The following LRRC4C variants were observed in gnomAD, a reference collection of about 807,000 sequenced individuals.
LRRC4C encodes leucine rich repeat containing 4C.
A neutral mutation model predicts 33.6 loss-of-function variants in LRRC4C; 5 were observed. The observed-to-expected ratio is 0.15, with a 90% CI of 0.08 to 0.31. LRRC4C has a LOEUF of 0.31. Ranked by LOEUF, LRRC4C falls within the 10% of genes least tolerant of loss-of-function variation. The pLI is 1.00. For synonymous variants in LRRC4C, 329 were observed against 302.0 expected (o/e 1.09, Z -0.93); for missense variants, 560 against 796.7 (o/e 0.70, Z 3.58).
intron 4 of LRRC4C, among the ~76,000 whole-genome samples, chr11:40,242,572 G>T (rs1590800342): frequency 6.6e-6 from 1 of 152,148 alleles, no homozygotes; most frequent in East Asian, 1.9e-4. Flanking sequence ...GTATGTAAAA[G>T]TGGGTACTGC....
At chr11:40,777,327 C>A (rs998034738) in intron 2 of LRRC4C, among the ~76,000 whole-genome samples, 1 of 152,008 alleles carries the variant, frequency 6.6e-6, no homozygotes, top group Non-Finnish European at 1.5e-5. Context: ...GGGGTGTGGA[C>A]TTCTCCTCTA....
At chr11:40,429,190 C>T (rs1031080231) in intron 3 of LRRC4C, among the ~76,000 whole-genome samples, 2 of 152,176 alleles carry the variant, frequency 1.3e-5, no homozygotes, top group African/African-American at 4.8e-5. Context: ...TCTCCTGCCT[C>T]AGCCTCCCAA....
At chr11:40,143,439 T>C (rs1405648945) in intron 5 of LRRC4C, among the ~76,000 whole-genome samples, 1 of 152,170 alleles carries the variant, frequency 6.6e-6, no homozygotes, top group Non-Finnish European at 1.5e-5. Flanking sequence ...CAATCGTTCA[T>C]ATTCACTCTG....
intron 3 of LRRC4C, among the ~76,000 whole-genome samples, chr11:40,419,336 A>G (rs1340984623): frequency 6.6e-6 from 1 of 152,120 alleles, no homozygotes; most frequent in Non-Finnish European, 1.5e-5. Flanking sequence ...ATACTCAACA[A>G]AAACTATGCT....
intron 2 of LRRC4C, among the ~76,000 whole-genome samples, chr11:40,912,304 G>A (rs887863676): frequency 0.088 from 13,359 of 151,736 alleles, 818 homozygotes; most frequent in African/African-American, 0.17. Flanking sequence ...GAGAAAGGTT[G>A]GATTACCCAC....
chr11:40,257,453 C>A (rs1217142638), intron 4 of LRRC4C, among the ~76,000 whole-genome samples: 1 of 152,036 alleles, frequency 6.6e-6, no homozygotes, highest in African/African-American at 2.4e-5. Context: ...CCCATTATTT[C>A]TAGTTCCCAA....
intron 1 of LRRC4C, among the ~76,000 whole-genome samples, chr11:41,207,959 G>T (rs1946667676): frequency 6.6e-6 from 1 of 152,146 alleles, no homozygotes; most frequent in African/African-American, 2.4e-5. Flanking sequence ...GCTAGTAAAA[G>T]CCTAGATTGT....
chr11:40,928,342 A>G (rs1376060147), intron 2 of LRRC4C, among the ~76,000 whole-genome samples: 1 of 151,672 alleles, frequency 6.6e-6, no homozygotes, highest in African/African-American at 2.4e-5. Flanking sequence ...AAATAAAAAC[A>G]TATTGAAAAT....
intron 1 of LRRC4C, among the ~76,000 whole-genome samples, chr11:41,437,430 C>G (rs1955469168): frequency 6.6e-6 from 1 of 151,674 alleles, no homozygotes; most frequent in South Asian, 2.1e-4. Flanking sequence ...CGCGCGCACA[C>G]ACACACACAC....
chr11:40,470,107 G>T (rs1166790208), intron 3 of LRRC4C, among the ~76,000 whole-genome samples: 1 of 152,208 alleles, frequency 6.6e-6, no homozygotes, highest in African/African-American at 2.4e-5. Context: ...CCCAGCAGGG[G>T]TCGACAGACA....
At chr11:41,102,210 C>T (rs1451157080) in intron 1 of LRRC4C, among the ~76,000 whole-genome samples, 3 of 151,968 alleles carry the variant, frequency 2.0e-5, no homozygotes, top group African/African-American at 4.8e-5. Flanking sequence ...TTAACGTTAT[C>T]GTCATTAAAG....
intron 1 of LRRC4C, among the ~76,000 whole-genome samples, chr11:41,216,303 C>G (rs1947059188): frequency 6.6e-6 from 1 of 152,054 alleles, no homozygotes; most frequent in South Asian, 2.1e-4. Flanking sequence ...AGTGAAATGA[C>G]CGCTATGCAA....
intron 1 of LRRC4C, among the ~76,000 whole-genome samples, chr11:40,990,386 C>A (rs1853451415): frequency 6.6e-6 from 1 of 151,042 alleles, no homozygotes; most frequent in African/African-American, 2.4e-5. Context: ...AGTTATTATG[C>A]TTGGCCCCAT....
chr11:40,926,282 A>G (rs186456002), intron 2 of LRRC4C, among the ~76,000 whole-genome samples: 6 of 152,282 alleles, frequency 3.9e-5, no homozygotes, highest in Admixed American at 6.5e-5. Flanking sequence ...GTTGTACATG[A>G]TGTCCTCCTC....
At chr11:40,284,181 C>A (rs1311951149) in intron 4 of LRRC4C, among the ~76,000 whole-genome samples, 2 of 152,190 alleles carry the variant, frequency 1.3e-5, no homozygotes, top group African/African-American at 2.4e-5. Flanking sequence ...TGCTCTGAGA[C>A]TTGACATATG....
chr11:40,722,208 G>C (rs1947053532), intron 2 of LRRC4C, among the ~76,000 whole-genome samples: 1 of 151,940 alleles, frequency 6.6e-6, no homozygotes, highest in Admixed American at 6.6e-5. Flanking sequence ...TGTACTATTT[G>C]GTAATTATAG....
At chr11:40,352,811 A>T (rs11605829) in intron 3 of LRRC4C, among the ~76,000 whole-genome samples, 72,788 of 151,906 alleles carry the variant, frequency 0.48, 18,135 homozygotes, top group East Asian at 0.84. Flanking sequence ...GAGAAAATAT[A>T]GCTACTTCAT....
intron 3 of LRRC4C, among the ~76,000 whole-genome samples, chr11:40,406,870 G>T (rs1172708976): frequency 6.6e-6 from 1 of 152,002 alleles, no homozygotes; most frequent in East Asian, 1.9e-4. Flanking sequence ...ACTGTAATTG[G>T]CCAATTTTGA....
chr11:40,873,095 C>T (rs1954727896), intron 2 of LRRC4C, among the ~76,000 whole-genome samples: 1 of 152,100 alleles, frequency 6.6e-6, no homozygotes, highest in Admixed American at 6.6e-5. Context: ...TGGTGAAGTC[C>T]TCATGTTTAC....
Sources: allele counts gnomAD v4.1 joint callset (sites outside exome capture counted in the v4.1 genomes callset), GRCh38; gene constraint gnomAD v4.1.1; transcripts MANE v1.5; gene names NCBI Gene and HGNC (gene_info 2026-07-23, HGNC 2026-07-21).